ENDOV: variants seen among roughly 807,000 people sequenced by gnomAD.
The protein encoded by ENDOV is hEndoV.
ENDOV carries 37 observed loss-of-function variants against 39.4 expected under a neutral mutation model. The observed-to-expected ratio is 0.94, with a 90% confidence interval of 0.72 to 1.23. The LOEUF is 1.23. Ranked by LOEUF, ENDOV falls within the 50% of genes most tolerant of loss-of-function variation. The probability of loss-of-function intolerance (pLI) is 0.00; values close to 1 mark genes in which losing one functional copy is unlikely to be tolerated. For synonymous variants in ENDOV, 186 were observed against 163.4 expected (o/e 1.14, Z -1.05); for missense variants, 441 against 375.7 (o/e 1.17, Z -1.44).
chr17:80,417,083 C>T (rs971035712), intron 2 of ENDOV: 7 of 152,268 alleles, frequency 4.6e-5, no homozygotes, highest in African/African-American at 1.7e-4. Context: ...ATTGAAGTGC[C>T]CTTCTCATGA....
chr17:80,422,437 T>C lies in ENDOV; in HGVS notation c.403+192T>C, dbSNP rs540547441. Among the ~76,000 whole-genome samples, 5 of 152,384 alleles carry C rather than the reference T, an allele frequency of 3.3e-5. No homozygotes were observed. The East Asian group carries it at 7.7e-4, about 24-fold the overall frequency. ...GCCTCCCCCACCGCCGGTAAAGGAC[T>C]GTCTACTTTCGCTTCACCCCTTACC... On this transcript the variant is annotated intron_variant, in intron 4 of 9. Coordinates refer to ENST00000518137, the MANE Select transcript of ENDOV (RefSeq NM_173627.5).
At position 80,422,945 on chromosome 17, in the gene ENDOV, T is replaced by C. The variant is rs903197052; in HGVS notation, c.404-575T>C. ...TGATCTCCTGACCTCGTGATCCGCC[T>C]GCCTCGGCCTCCCAAAGTGCTGGGA... is the stretch of plus-strand genomic sequence containing the variant. On this transcript the variant is annotated intron_variant, in intron 4 of 9. Transcript: ENST00000518137. 3.3e-5 allele frequency among the ~76,000 whole-genome samples: 5 copies of C among 151,878 alleles called. No homozygotes were observed. The South Asian group carries it at 6.2e-4, about 19-fold the overall frequency.
intron 7 of ENDOV, among the ~76,000 whole-genome samples, chr17:80,426,431 T>A (rs2145039798): frequency 6.6e-6 from 1 of 152,196 alleles, no homozygotes; most frequent in Non-Finnish European, 1.5e-5. Context: ...GGAGGATCAC[T>A]TGAGCCCAGG....
intron 9 of ENDOV, among the ~76,000 whole-genome samples, chr17:80,431,600 G>A (rs967407941): frequency 1.3e-5 from 2 of 152,198 alleles, no homozygotes; most frequent in Admixed American, 6.5e-5. Flanking sequence ...GGGCGAGAGG[G>A]AGCCCCAGTG....
chr17:80,429,314 C>G (rs2083118431), intron 8 of ENDOV, among the ~76,000 whole-genome samples: 1 of 152,220 alleles, frequency 6.6e-6, no homozygotes, highest in South Asian at 2.1e-4. Context: ...TTCAGTCTGG[C>G]TACTTCCTCT....
intron 9 of ENDOV, among the ~76,000 whole-genome samples, chr17:80,432,977 T>G (rs2083418828): frequency 6.6e-6 from 1 of 152,120 alleles, no homozygotes; most frequent in South Asian, 2.1e-4. Flanking sequence ...GGATGCCATG[T>G]GTGTGCCCCA....
intron 4 of ENDOV, 97 bp from the exon 5 acceptor site, chr17:80,423,423 C>T (rs1568226813): frequency 1.7e-6 from 2 of 1,189,064 alleles, no homozygotes; most frequent in African/African-American, 1.5e-5. Flanking sequence ...GACCTCTGCT[C>T]ACTTAGGGAA....
chr17:80,436,581 T>A lies in ENDOV; in HGVS notation c.*438T>A. 7.0e-6 allele frequency: 2 copies of A among 285,538 alleles called. No homozygotes were observed. The highest frequency in any genetic ancestry group is 9.8e-5 in the East Asian group (1 of 10,254). 17.7% of individuals were successfully genotyped at this position (285,538 alleles called of 1,614,324 possible). A position where few individuals can be genotyped will look rare whatever the true frequency, so the allele number is the denominator to read the frequency against. On this transcript the variant is annotated 3_prime_UTR_variant, in exon 10 of 10. Transcript: ENST00000518137. ...TGTTACATTGATTGATTTTCATATG[T>A]TGAGCCAGTTTCCATTTGTGGAATA...
intron 1 of ENDOV, 56 bp downstream of exon 1, chr17:80,415,306 C>T (rs747152062): frequency 5.5e-5 from 87 of 1,587,530 alleles, no homozygotes; most frequent in Non-Finnish European, 7.1e-5. Flanking sequence ...CGGCCCTTCG[C>T]GGACCCTCCG....
intron 2 of ENDOV, 33 bp from the exon 3 acceptor site, chr17:80,421,795 G>C: frequency 6.4e-7 from 1 of 1,574,582 alleles, no homozygotes; most frequent in South Asian, 1.2e-5. Flanking sequence ...GCCGAAGGCT[G>C]TGCTTCCCAC....
chr17:80,426,472 C>T (rs1188214010), intron 7 of ENDOV, among the ~76,000 whole-genome samples: 1 of 152,092 alleles, frequency 6.6e-6, no homozygotes, highest in Admixed American at 6.5e-5. Context: ...AACATAGACC[C>T]CGTCTCTACA....
At chr17:80,419,756 A>G in intron 2 of ENDOV, 2 of 685,372 alleles carry the variant, frequency 2.9e-6, no homozygotes, top group Non-Finnish European at 5.4e-6. Context: ...CCGTTCACAC[A>G]ATCCATCTTT....
At chr17:80,432,662 T>C (rs1014894002) in intron 9 of ENDOV, among the ~76,000 whole-genome samples, 5 of 152,044 alleles carry the variant, frequency 3.3e-5, no homozygotes, top group African/African-American at 1.2e-4. Context: ...GTGAGACCAT[T>C]GCATGGTCCT....
At chr17:80,435,851 C>T (rs1290360011) in intron 9 of ENDOV, among the ~76,000 whole-genome samples, 2 of 151,608 alleles carry the variant, frequency 1.3e-5, no homozygotes, top group East Asian at 1.9e-4. Flanking sequence ...CTCCTGACCT[C>T]GTGATCCACC....
At chr17:80,430,244 G>A (rs572274418) in intron 9 of ENDOV, 6 of 1,471,856 alleles carry the variant, frequency 4.1e-6, no homozygotes, top group African/African-American at 1.4e-5. Context: ...ACGCTTTCCC[G>A]GAGCCGACGA....
At chr17:80,425,168 G>A (rs1286400180) in intron 6 of ENDOV, 68 bp downstream of exon 6, 2 of 1,392,272 alleles carry the variant, frequency 1.4e-6, no homozygotes, top group East Asian at 4.9e-5. Context: ...GCAGACACAG[G>A]TGCATGCAGA....
At chr17:80,415,454 G>A (rs1426932173) in intron 1 of ENDOV, 196 bp from the exon 2 acceptor site, 19 of 997,288 alleles carry the variant, frequency 1.9e-5, no homozygotes, top group Non-Finnish European at 1.3e-5. Flanking sequence ...CTTCCGGCCA[G>A]TTTGTCTGGC....
At chr17:80,430,270 G>C (rs2083246347) in intron 9 of ENDOV, 1 of 1,483,922 alleles carries the variant, frequency 6.7e-7, no homozygotes, top group Non-Finnish European at 8.9e-7. Flanking sequence ...ACTCGGAGCT[G>C]CAGCCTGCAC....
Position 80,427,751 on chromosome 17 carries a change from C to T in ENDOV, c.715-845C>T, listed in dbSNP as rs1445473766. On this transcript the variant is annotated intron_variant, in intron 7 of 9. Transcript: ENST00000518137. ...GTCTGCTCTCTCCCTGGCTCCGCGC[C>T]GGGCCGTCTTGGTGGCCCCATGGTC... 1.1e-5 allele frequency: 14 copies of T among 1,289,228 alleles called. No homozygotes were observed. In the Admixed American group the frequency reaches 1.4e-4, roughly 13 times the overall value. 79.9% of individuals were successfully genotyped at this position (1,289,228 alleles called of 1,614,324 possible).
Sources: gnomAD v4.1 joint callset for allele counts (sites outside exome capture counted in the v4.1 genomes callset) on GRCh38, gnomAD v4.1.1 for gene constraint, MANE v1.5 for transcripts, NCBI Gene and HGNC (gene_info 2026-07-23, HGNC 2026-07-21) for gene names.